MOSMO: variants seen among roughly 807,000 people sequenced by gnomAD.
The protein encoded by MOSMO is modulator of smoothened protein.
A neutral mutation model predicts 18.4 loss-of-function variants in MOSMO; 5 were observed. The ratio of observed to expected loss-of-function variants is 0.27; its 90% CI spans 0.14 to 0.57. The LOEUF (loss-of-function observed/expected upper bound fraction) is 0.57, where lower values mean the gene tolerates loss of function less well. MOSMO is among the 20% of genes least tolerant of loss of function. MOSMO has a pLI of 0.92. For missense variants in MOSMO, 138 were observed against 211.8 expected (o/e 0.65, Z 2.16); for synonymous variants, 82 against 82.3 (o/e 1.00, Z 0.02).
In MOSMO at chr16:22,082,645, A is replaced by G. The variant is rs1250261653; in HGVS notation, c.*1765A>G. On this transcript the variant is annotated 3_prime_UTR_variant, in exon 3 of 3. Coordinates refer to ENST00000542527, the MANE Select transcript of MOSMO (RefSeq NM_001164579.2). ...CTAGAATGATTACTTCAAAGATGGG[A>G]GCTACCTCCTCAGATATTCACACTA... The G allele has an allele frequency of 6.6e-6, 1 of 152,184 alleles. No individual in the cohort carries two copies. The highest frequency in any genetic ancestry group is 1.9e-4 in the East Asian group (1 of 5,196). 9.4% of individuals were successfully genotyped at this position (152,184 alleles called of 1,614,324 possible). A position where few individuals can be genotyped will look rare whatever the true frequency, so the allele number is the denominator to read the frequency against.
intron 1 of MOSMO, among the ~76,000 whole-genome samples, chr16:22,040,474 C>T (rs1900189519): frequency 6.6e-6 from 1 of 152,064 alleles, no homozygotes. Context: ...AAGAAGCAGG[C>T]AATAAGAATG....
At position 22,008,219 on chromosome 16, in the gene MOSMO, GC is replaced by G; in HGVS notation, c.-79del. ...CGAGGCAGCGGCGCGGGGACTCCGG[GC>G]CCCGGCGGCGGCCCATGGGGCGGGA... On this transcript the variant is annotated 5_prime_UTR_variant, in exon 1 of 3. Coordinates refer to ENST00000542527, the MANE Select transcript of MOSMO (RefSeq NM_001164579.2). 4.2e-6 allele frequency: 3 copies of G among 706,680 alleles called. No individual in the cohort carries two copies. Among genetic ancestry groups the G allele is most frequent in the South Asian group, 2.7e-5 (1 of 37,274 alleles). 43.8% of individuals were successfully genotyped at this position (706,680 alleles called of 1,614,324 possible).
intron 1 of MOSMO, among the ~76,000 whole-genome samples, chr16:22,021,988 T>C (rs1353160161): frequency 2.6e-5 from 4 of 152,110 alleles, no homozygotes; most frequent in African/African-American, 4.8e-5. Context: ...ATCTGAAACA[T>C]CTACCACAGT....
chr16:22,080,346 A>G (rs939965523), intron 2 of MOSMO, among the ~76,000 whole-genome samples: 4 of 152,180 alleles, frequency 2.6e-5, no homozygotes, highest in African/African-American at 9.7e-5. Context: ...CTAGTAGGCA[A>G]TAGAGCTGGA....
intron 1 of MOSMO, among the ~76,000 whole-genome samples, chr16:22,045,943 T>A (rs1462065316): frequency 6.6e-6 from 1 of 152,116 alleles, no homozygotes; most frequent in Non-Finnish European, 1.5e-5. Flanking sequence ...TAGTTACATA[T>A]GTATACATGT....
chr16:22,053,250 AC>A (rs1387525337), intron 1 of MOSMO, among the ~76,000 whole-genome samples: 1 of 151,874 alleles, frequency 6.6e-6, no homozygotes, highest in East Asian at 1.9e-4. Context: ...GGCATGAGCC[AC>A]CGCACACCCA....
intron 1 of MOSMO, among the ~76,000 whole-genome samples, chr16:22,048,886 A>C (rs921362413): frequency 4.6e-5 from 7 of 152,100 alleles, no homozygotes; most frequent in Admixed American, 2.6e-4. Context: ...CATAATTTGA[A>C]ATAAGTATCT....
chr16:22,027,606 T>C (rs1899901989), intron 1 of MOSMO, among the ~76,000 whole-genome samples: 1 of 152,194 alleles, frequency 6.6e-6, no homozygotes, highest in Admixed American at 6.5e-5. Context: ...CTCCGTTTTC[T>C]CCTCCAGATT....
intron 1 of MOSMO, among the ~76,000 whole-genome samples, chr16:22,034,584 T>C (rs1900063746): frequency 6.6e-6 from 1 of 152,106 alleles, no homozygotes; most frequent in Admixed American, 6.5e-5. Context: ...TTCTTATCTT[T>C]GCTCTTCTGT....
chr16:22,051,325 T>G (rs1031191901), intron 1 of MOSMO, among the ~76,000 whole-genome samples: 5 of 151,814 alleles, frequency 3.3e-5, no homozygotes, highest in Admixed American at 6.6e-5. Flanking sequence ...GAGGTAGAAG[T>G]TGCAGTGAGC....
intron 1 of MOSMO, among the ~76,000 whole-genome samples, chr16:22,042,919 C>T (rs1900237723): frequency 6.6e-6 from 1 of 152,204 alleles, no homozygotes; most frequent in Non-Finnish European, 1.5e-5. Flanking sequence ...TGCTTCAGGT[C>T]ATAGAGGAAA....
chr16:22,057,797 C>T (rs990476996), intron 1 of MOSMO, among the ~76,000 whole-genome samples: 6 of 152,006 alleles, frequency 3.9e-5, no homozygotes, highest in African/African-American at 1.2e-4. Flanking sequence ...GGAAGTCCTC[C>T]CTAGGAAAAT....
At chr16:22,058,687 T>C (rs944040599) in intron 1 of MOSMO, among the ~76,000 whole-genome samples, 3 of 152,128 alleles carry the variant, frequency 2.0e-5, no homozygotes, top group African/African-American at 4.8e-5. Context: ...AGTGGTGCCA[T>C]TGAGAAGGAC....
chr16:22,035,915 T>C (rs1900098682), intron 1 of MOSMO, among the ~76,000 whole-genome samples: 1 of 152,176 alleles, frequency 6.6e-6, no homozygotes, highest in African/African-American at 2.4e-5. Flanking sequence ...CATTGCCTTC[T>C]TAGTTTTTGG....
At chr16:22,045,975 C>T (rs1272606327) in intron 1 of MOSMO, among the ~76,000 whole-genome samples, 4 of 151,954 alleles carry the variant, frequency 2.6e-5, no homozygotes, top group Non-Finnish European at 1.5e-5. Flanking sequence ...GTGCCGCACC[C>T]AGTAACTCGT....
chr16:22,023,787 G>A (rs1211498555), intron 1 of MOSMO, among the ~76,000 whole-genome samples: 1 of 151,756 alleles, frequency 6.6e-6, no homozygotes, highest in Non-Finnish European at 1.5e-5. Flanking sequence ...TGAGCTTGGG[G>A]TTTTACTGAG....
chr16:22,074,401 A>G (rs772298801), intron 1 of MOSMO, among the ~76,000 whole-genome samples: 1 of 152,232 alleles, frequency 6.6e-6, no homozygotes, highest in South Asian at 2.1e-4. Flanking sequence ...CCCCATCTCT[A>G]TAAATAAAAG....
intron 1 of MOSMO, among the ~76,000 whole-genome samples, chr16:22,028,591 A>G (rs766860501): frequency 6.6e-6 from 1 of 152,170 alleles, no homozygotes; most frequent in Non-Finnish European, 1.5e-5. Context: ...TTACTACTCT[A>G]TAAACATCTG....
Position 22,008,346 on chromosome 16 carries a change from C to A in MOSMO, c.45C>A (p.Ala15=). 2 of 1,533,718 alleles carry A rather than the reference C, an allele frequency of 1.3e-6. No individual in the cohort carries two copies. The highest frequency in any genetic ancestry group is 1.7e-6 in the Non-Finnish European group (2 of 1,146,008). The change falls in exon 1 of 3, where the codon GCC becomes GCA. Residue 15 remains alanine (A), a synonymous_variant. Transcript: ENST00000542527. The part of the protein sequence containing the change: ...TIISGCLFLA[A]DIFAIASIAN... ...TCTCAGGATGTCTCTTTCTGGCCGC[C>A]GATATCTTCGCCATCGCCAGCATCG...
Sources: gnomAD v4.1 joint callset for allele counts (sites outside exome capture counted in the v4.1 genomes callset) on GRCh38, gnomAD v4.1.1 for gene constraint, MANE v1.5 for transcripts, NCBI Gene and HGNC (gene_info 2026-07-23, HGNC 2026-07-21) for gene names.